Variants in KDM4C observed in about 807,000 individuals in gnomAD.
KDM4C encodes lysine-specific demethylase 4C.
A neutral mutation model predicts 129.3 loss-of-function variants in KDM4C; 81 were observed. The observed-to-expected ratio is 0.63, with a 90% confidence interval of 0.52 to 0.75. KDM4C has a LOEUF of 0.75. Among genes scored for constraint, KDM4C ranks in the 30% least tolerant of loss-of-function variants. The probability of loss-of-function intolerance (pLI) is 0.00; values close to 1 mark genes in which losing one functional copy is unlikely to be tolerated. For missense variants in KDM4C, 1,457 were observed against 1,304.0 expected (o/e 1.12, Z -1.81); for synonymous variants, 573 against 456.1 (o/e 1.26, Z -3.26).
intron 8 of KDM4C, among the ~76,000 whole-genome samples, chr9:6,957,932 C>G (rs146270325): frequency 1.3e-5 from 2 of 152,052 alleles, no homozygotes; most frequent in African/African-American, 4.8e-5. Context: ...ACAGTGTTAT[C>G]GAAAGCCTGT....
chr9:6,812,223 C>G lies in KDM4C; in HGVS notation c.321-2408C>G, dbSNP rs188790063. 7.5e-3 allele frequency among the ~76,000 whole-genome samples: 1,084 copies of G among 144,294 alleles called. 39 individuals are homozygous for G. The highest frequency in any genetic ancestry group is 0.059 in the Admixed American group (847 of 14,470). 94.7% of individuals were successfully genotyped at this position (144,294 alleles called of 152,430 possible). The stretch of plus-strand genomic sequence containing the variant: ...CCGCACTCCAGCCTGGGTGACAGAA[C>G]AAGACTCTCAAAAAAAAAAAAAAAA... On this transcript the variant is annotated intron_variant, in intron 3 of 21. Transcript: ENST00000381309.
At chr9:6,802,264 A>T (rs1241519057) in intron 2 of KDM4C, among the ~76,000 whole-genome samples, 1 of 152,208 alleles carries the variant, frequency 6.6e-6, no homozygotes, top group Admixed American at 6.5e-5. Flanking sequence ...TTAGGTGATG[A>T]TGAAGGTGTG....
rs183894417 is a variant in KDM4C at position 6,896,037 on chromosome 9, C to T, written c.921+2805C>T. Among the ~76,000 whole-genome samples the T allele has an allele frequency of 1.6e-4, 24 of 152,144 alleles. No homozygotes were observed. In the East Asian group the frequency reaches 4.6e-3, roughly 29 times the overall value. On this transcript the variant is annotated intron_variant, in intron 8 of 21. Transcript: ENST00000381309. The stretch of plus-strand genomic sequence containing the variant: ...CTCCAAGTCTGATTCTTTAGGTAAC[C>T]TTATGAATTTACTGTGTTGCATGTA...
At chr9:6,942,975 C>T (rs1025226968) in intron 8 of KDM4C, among the ~76,000 whole-genome samples, 1 of 152,132 alleles carries the variant, frequency 6.6e-6, no homozygotes, top group African/African-American at 2.4e-5. Context: ...AAATGACCCT[C>T]CCACCTTAGC....
intron 15 of KDM4C, among the ~76,000 whole-genome samples, chr9:7,032,279 C>G (rs1826909442): frequency 6.6e-6 from 1 of 152,222 alleles, no homozygotes; most frequent in Non-Finnish European, 1.5e-5. Context: ...GTCCTGTCTA[C>G]AGCAAGAGTT....
At chr9:6,788,197 T>C (rs1283191541) in intron 1 of KDM4C, among the ~76,000 whole-genome samples, 3 of 152,230 alleles carry the variant, frequency 2.0e-5, no homozygotes, top group Non-Finnish European at 4.4e-5. Flanking sequence ...CCCTTGGTTC[T>C]TCTTCATAGC....
chr9:7,004,490 T>A (rs953106977), intron 12 of KDM4C, among the ~76,000 whole-genome samples: 1 of 152,242 alleles, frequency 6.6e-6, no homozygotes, highest in Non-Finnish European at 1.5e-5. Flanking sequence ...TATATTATAT[T>A]CAACTAATAT....
intron 18 of KDM4C, among the ~76,000 whole-genome samples, chr9:7,119,137 G>T (rs1159494890): frequency 6.6e-6 from 1 of 151,982 alleles, no homozygotes; most frequent in Non-Finnish European, 1.5e-5. Flanking sequence ...ACCTATTTTA[G>T]CTTCCATAAC....
intron 8 of KDM4C, among the ~76,000 whole-genome samples, chr9:6,946,849 G>GTT (rs992647350): frequency 6.6e-6 from 1 of 151,306 alleles, no homozygotes; most frequent in African/African-American, 2.4e-5. Context: ...ATTATTTTTT[G>GTT]TTTCCTTTTT....
intron 4 of KDM4C, among the ~76,000 whole-genome samples, chr9:6,824,592 A>T (rs1423531706): frequency 6.6e-6 from 1 of 151,432 alleles, no homozygotes; most frequent in Non-Finnish European, 1.5e-5. Context: ...TTTTTATTGT[A>T]TTAGAAATTA....
At chr9:6,995,144 T>TA (rs1216235285) in intron 12 of KDM4C, among the ~76,000 whole-genome samples, 1 of 151,622 alleles carries the variant, frequency 6.6e-6, no homozygotes, top group East Asian at 1.9e-4. Context: ...TCCTAGGATT[T>TA]TTTTTTTTTT....
At chr9:6,873,462 G>T (rs778727510) in intron 5 of KDM4C, among the ~76,000 whole-genome samples, 7 of 152,144 alleles carry the variant, frequency 4.6e-5, no homozygotes, top group African/African-American at 9.7e-5. Context: ...ATAATTTGCT[G>T]CAATGTCTAT....
chr9:6,973,094 C>A (rs1003748390), intron 8 of KDM4C, among the ~76,000 whole-genome samples: 1 of 152,218 alleles, frequency 6.6e-6, no homozygotes, highest in African/African-American at 2.4e-5. Context: ...TATAGTACTA[C>A]TGTTTTTATG....
intron 21 of KDM4C, among the ~76,000 whole-genome samples, chr9:7,171,253 T>C (rs1359338547): frequency 6.6e-6 from 1 of 151,942 alleles, no homozygotes; most frequent in Admixed American, 6.6e-5. Flanking sequence ...CACCTGTAAA[T>C]AGAGTAACTA....
chr9:6,734,288 G>GTTTTTT (rs57329090), intron 1 of KDM4C, among the ~76,000 whole-genome samples: 9 of 110,288 alleles, frequency 8.2e-5, no homozygotes, highest in African/African-American at 1.1e-4. Context: ...CCCATGTTTG[G>GTTTTTT]TTTTTTTTTT....
In KDM4C at chr9:6,798,612, A is replaced by G. The variant is rs537224565; in HGVS notation, c.144+5480A>G. The stretch of plus-strand genomic sequence containing the variant: ...AGAAGAATTTTTCTTAGTATAGAAC[A>G]AAATGAAAAGTCTCCCATGTCTACT... On this transcript the variant is annotated intron_variant, in intron 2 of 21. Coordinates refer to ENST00000381309, the MANE Select transcript of KDM4C (RefSeq NM_015061.6). Among the ~76,000 whole-genome samples the G allele has an allele frequency of 4.7e-3, 714 of 152,320 alleles. 8 individuals carry two copies. The highest frequency in any genetic ancestry group is 0.017 in the African/African-American group (691 of 41,552).
intron 4 of KDM4C, among the ~76,000 whole-genome samples, chr9:6,833,988 C>T (rs1004573093): frequency 2.0e-5 from 3 of 150,992 alleles, no homozygotes; most frequent in Non-Finnish European, 4.4e-5. Flanking sequence ...TAAGATCCTG[C>T]CGTGTGTGGT....
intron 1 of KDM4C, among the ~76,000 whole-genome samples, chr9:6,773,749 C>T (rs1255342146): frequency 3.4e-5 from 5 of 145,308 alleles, no homozygotes; most frequent in East Asian, 4.0e-4. Flanking sequence ...CTAGCCTGGG[C>T]GACAGAGTGA....
In KDM4C at chr9:7,073,925, T is replaced by C. The variant is rs574221101; in HGVS notation, c.2424+24725T>C. On this transcript the variant is annotated intron_variant, in intron 17 of 21. Coordinates refer to ENST00000381309, the MANE Select transcript of KDM4C (RefSeq NM_015061.6). ...TCTAATAAACTCCACTTGTGGCAGG[T>C]GTCTCGGAAACCTAACTCATAGTGA... 3.4e-3 allele frequency among the ~76,000 whole-genome samples: 516 copies of C among 152,312 alleles called. 1 individual carries two copies. Among genetic ancestry groups the C allele is most frequent in the Non-Finnish European group, 5.1e-3 (350 of 68,026 alleles).
Sources: allele counts gnomAD v4.1 joint callset (sites outside exome capture counted in the v4.1 genomes callset), GRCh38; gene constraint gnomAD v4.1.1; transcripts MANE v1.5; gene names NCBI Gene and HGNC (gene_info 2026-07-23, HGNC 2026-07-21).